TAF4: variants seen among roughly 807,000 people sequenced by gnomAD.
The protein encoded by TAF4 is TATA-box binding protein associated factor 4.
Under a neutral mutation model 90.3 loss-of-function variants are expected in TAF4, and 9 were observed. The observed-to-expected ratio is 0.10, with a 90% confidence interval of 0.06 to 0.17. The LOEUF (loss-of-function observed/expected upper bound fraction) is 0.17, where lower values mean the gene tolerates loss of function less well. TAF4 is among the 10% of genes least tolerant of loss of function. The pLI is 1.00. For synonymous variants in TAF4, 818 were observed against 638.9 expected, an observed-to-expected ratio of 1.28 and a Z score of -4.23; for missense variants, 1,351 against 1,370.7, an observed-to-expected ratio of 0.99 and a Z score of 0.23.
chr20:62,041,877 TG>T (rs2055965689), intron 1 of TAF4, among the ~76,000 whole-genome samples: 1 of 151,262 alleles, frequency 6.6e-6, no homozygotes, highest in Non-Finnish European at 1.5e-5. Flanking sequence ...AAGGCACCAC[TG>T]CACTCCAGCC....
At chr20:62,038,235 G>C (rs2055944826) in intron 1 of TAF4, among the ~76,000 whole-genome samples, 2 of 151,970 alleles carry the variant, frequency 1.3e-5, no homozygotes, top group Admixed American at 1.3e-4. Flanking sequence ...CACAGTGTTA[G>C]CCAGGATGGT....
intron 1 of TAF4, chr20:62,064,168 C>G (rs1447996461): frequency 2.8e-6 from 1 of 360,074 alleles, no homozygotes; most frequent in Non-Finnish European, 5.0e-6. Flanking sequence ...CACTAAGAGT[C>G]CTGGCTGAGC....
intron 1 of TAF4, among the ~76,000 whole-genome samples, chr20:62,051,528 C>T (rs1195392521): frequency 6.6e-6 from 1 of 152,154 alleles, no homozygotes. Flanking sequence ...TGAGTCCCAT[C>T]CACCGTTCAC....
At chr20:62,032,280 G>A (rs2055908679) in intron 1 of TAF4, among the ~76,000 whole-genome samples, 1 of 152,208 alleles carries the variant, frequency 6.6e-6, no homozygotes, top group Non-Finnish European at 1.5e-5. Context: ...CCTGCTCCCT[G>A]AGCTACCATC....
intron 14 of TAF4, among the ~76,000 whole-genome samples, chr20:61,992,334 C>T (rs986937051): frequency 6.6e-6 from 1 of 152,198 alleles, no homozygotes; most frequent in African/African-American, 2.4e-5. Flanking sequence ...CCACCCTCGG[C>T]AGGAGTGCCC....
chr20:62,001,222 A>G (rs1407331099), intron 9 of TAF4, among the ~76,000 whole-genome samples: 2 of 152,154 alleles, frequency 1.3e-5, no homozygotes, highest in Non-Finnish European at 2.9e-5. Context: ...GCAGGATGCC[A>G]TTGAGACCGG....
At chr20:62,062,520 A>G (rs1414689186) in intron 1 of TAF4, among the ~76,000 whole-genome samples, 1 of 152,208 alleles carries the variant, frequency 6.6e-6, no homozygotes, top group Non-Finnish European at 1.5e-5. Flanking sequence ...TTTAGATAGT[A>G]GCATTCGGCT....
chr20:62,045,917 A>G (rs1386344742), intron 1 of TAF4, among the ~76,000 whole-genome samples: 7 of 152,230 alleles, frequency 4.6e-5, no homozygotes, highest in East Asian at 3.8e-4. Flanking sequence ...TTTCACAACT[A>G]TAACGAACAA....
intron 1 of TAF4, among the ~76,000 whole-genome samples, chr20:62,046,995 T>C (rs142293757): frequency 8.8e-4 from 134 of 152,348 alleles, no homozygotes; most frequent in East Asian, 4.6e-3. Flanking sequence ...TTTCTCCAAG[T>C]CGACGGCTTG....
intron 1 of TAF4, among the ~76,000 whole-genome samples, chr20:62,046,456 G>A (rs1303589179): frequency 6.6e-6 from 1 of 152,166 alleles, no homozygotes; most frequent in African/African-American, 2.4e-5. Context: ...TGCGATAGGC[G>A]GTCTTTCCCT....
At chr20:61,979,881 CGA>C (rs2055527446) in intron 14 of TAF4, among the ~76,000 whole-genome samples, 5 of 152,158 alleles carry the variant, frequency 3.3e-5, no homozygotes, top group African/African-American at 9.7e-5. Flanking sequence ...CGTGCAGGCG[CGA>C]CGGCCACTCC....
At chr20:61,978,715 G>A (rs2055514514) in intron 14 of TAF4, among the ~76,000 whole-genome samples, 1 of 152,134 alleles carries the variant, frequency 6.6e-6, no homozygotes, top group Non-Finnish European at 1.5e-5. Context: ...CCAAGGGAGG[G>A]GGCGAGACCA....
Position 62,006,412 on chromosome 20 carries a change from T to C in TAF4, c.2223+98A>G, listed in dbSNP as rs1268515247. The C allele has an allele frequency of 1.5e-6, 2 of 1,291,088 alleles. No homozygotes were observed. Among genetic ancestry groups the C allele is most frequent in the Non-Finnish European group, 2.0e-6 (2 of 1,015,990 alleles). 80.0% of individuals were successfully genotyped at this position (1,291,088 alleles called of 1,614,324 possible). On this transcript the variant is annotated intron_variant, in intron 7 of 14. Transcript: ENST00000252996. This position sits in a 1 kb window ranked among gnomAD's most constrained non-coding sequence, Gnocchi z 7.0. ...CTCTAGCAGGAGGCTTCCTGCATGC[T>C]TGGAAAAGGTTTCTGAGCCGTGGCC...
At chr20:62,063,000 A>T (rs1439429254) in intron 1 of TAF4, among the ~76,000 whole-genome samples, 1 of 152,216 alleles carries the variant, frequency 6.6e-6, no homozygotes, top group Non-Finnish European at 1.5e-5. Flanking sequence ...GTTACTAAAG[A>T]TCAGCCACGT....
intron 4 of TAF4, 132 bp downstream of exon 4, chr20:62,009,914 C>T (rs1006993739): frequency 6.3e-6 from 9 of 1,439,732 alleles, no homozygotes; most frequent in Admixed American, 6.0e-5. Flanking sequence ...GGGCCCCAGA[C>T]TGTTCACTGC....
chr20:61,979,110 G>T (rs1036513147), intron 14 of TAF4: 2 of 153,060 alleles, frequency 1.3e-5, no homozygotes, highest in African/African-American at 4.8e-5. Flanking sequence ...CTCTGAAGAT[G>T]GAGTGGAGAT....
chr20:61,997,755 T>A, intron 13 of TAF4, 86 bp from the exon 14 acceptor site: 1 of 1,418,504 alleles, frequency 7.0e-7, no homozygotes, highest in Non-Finnish European at 9.3e-7. Flanking sequence ...ATGAAAGGGT[T>A]TTCTGTAGTT....
chr20:62,002,995 AC>A (rs2055716679), intron 9 of TAF4, among the ~76,000 whole-genome samples, 164 bp downstream of exon 9: 1 of 152,214 alleles, frequency 6.6e-6, no homozygotes, highest in Non-Finnish European at 1.5e-5. Flanking sequence ...GGGAAAACAC[AC>A]TTGTGTGAAC....
At chr20:61,997,260 C>T (rs1014000852) in intron 14 of TAF4, among the ~76,000 whole-genome samples, 2 of 152,234 alleles carry the variant, frequency 1.3e-5, no homozygotes, top group Admixed American at 1.3e-4. Flanking sequence ...CTATTCGGAT[C>T]ATTCTTCTGA....
Sources: gnomAD v4.1 joint callset for allele counts (sites outside exome capture counted in the v4.1 genomes callset) on GRCh38, gnomAD v4.1.1 for gene constraint, Gnocchi (gnomAD v3.1) non-coding constraint, MANE v1.5 for transcripts, NCBI Gene and HGNC (gene_info 2026-07-23, HGNC 2026-07-21) for gene names.